Variants in PTPRN2 observed in about 807,000 individuals in gnomAD.
The protein encoded by PTPRN2 is receptor-type tyrosine-protein phosphatase N2.
In PTPRN2, 74 loss-of-function variants were observed where a neutral mutation model predicts 118.8. The observed-to-expected ratio is 0.62, with a 90% confidence interval of 0.52 to 0.76. PTPRN2 has a LOEUF of 0.76. Among genes scored for constraint, PTPRN2 ranks in the 30% least tolerant of loss-of-function variants. The pLI, the probability that PTPRN2 is intolerant of heterozygous loss-of-function variation, is 0.00. For missense variants in PTPRN2, 1,481 were observed against 1,394.4 expected (o/e 1.06, Z -0.99); for synonymous variants, 641 against 608.0 (o/e 1.05, Z -0.80).
chr7:158,181,891 T>G (rs1194442631), intron 5 of PTPRN2, among the ~76,000 whole-genome samples: 1 of 151,914 alleles, frequency 6.6e-6, no homozygotes, highest in Admixed American at 6.6e-5. Context: ...TCTTTTGTAT[T>G]TGTTTCTTTC....
At chr7:157,602,886 T>A (rs561048338) in intron 16 of PTPRN2, among the ~76,000 whole-genome samples, 12 of 152,346 alleles carry the variant, frequency 7.9e-5, no homozygotes, top group South Asian at 2.1e-4. Flanking sequence ...TGTGCCTCGA[T>A]CACCTGCCCC....
rs147940304 is a variant in PTPRN2, at chr7:157,786,818, T to G, written c.1789-103881A>C. ...AGCCTGCTGTGGTTTCATCATCAGG[T>G]GGGTGGCACATTCCAGCGGCTTTGG... On this transcript the variant is annotated intron_variant, in intron 12 of 22. Coordinates refer to ENST00000389418, the MANE Select transcript of PTPRN2 (RefSeq NM_002847.5). 5.9e-3 allele frequency among the ~76,000 whole-genome samples: 897 copies of G among 152,312 alleles called. 13 individuals are homozygous for G. The highest frequency in any genetic ancestry group is 0.02 in the African/African-American group (842 of 41,566).
chr7:158,252,845 C>T (rs1036410728), intron 3 of PTPRN2, among the ~76,000 whole-genome samples: 2 of 152,156 alleles, frequency 1.3e-5, no homozygotes, highest in East Asian at 1.9e-4. Flanking sequence ...CCCCCACCAC[C>T]CCCGATTGAT....
intron 3 of PTPRN2, among the ~76,000 whole-genome samples, chr7:158,216,154 C>A (rs1427379413): frequency 1.3e-5 from 2 of 151,908 alleles, no homozygotes; most frequent in Non-Finnish European, 2.9e-5. Context: ...AATTATGACA[C>A]CAGTAAACTT....
At chr7:158,138,023 C>A (rs1033224360) in intron 7 of PTPRN2, among the ~76,000 whole-genome samples, 1 of 152,228 alleles carries the variant, frequency 6.6e-6, no homozygotes, top group Admixed American at 6.5e-5. Context: ...TCCCATCACG[C>A]CTGTTTTCCT....
At position 157,610,296 on chromosome 7, in the gene PTPRN2, G is replaced by A. The variant is rs1210133263; in HGVS notation, c.2345-6221C>T. Among the ~76,000 whole-genome samples, 1 of 152,206 alleles carries A rather than the reference G, an allele frequency of 6.6e-6. No individual in the cohort carries two copies. Among genetic ancestry groups the A allele is most frequent in the East Asian group, 1.9e-4 (1 of 5,204 alleles). ...GGCAATGGGGTTCCTTCCACTCAGG[G>A]GTCTCAGGTGTTCTCTCGGGCTCTC... is the stretch of plus-strand genomic sequence containing the variant. On this transcript the variant is annotated intron_variant, in intron 15 of 22. Coordinates refer to ENST00000389418, the MANE Select transcript of PTPRN2 (RefSeq NM_002847.5). The surrounding 1 kb of genome is among the most constrained non-coding windows in gnomAD (Gnocchi z 5.1).
In PTPRN2 at chr7:157,799,826, C is replaced by T. The variant is rs550029399; in HGVS notation, c.1788+98847G>A. On this transcript the variant is annotated intron_variant, in intron 12 of 22. Coordinates refer to ENST00000389418, the MANE Select transcript of PTPRN2 (RefSeq NM_002847.5). ...CCCCGTCCCTCAGAGGCACCACAGC[C>T]GGCCCCCTCCATCCCTCAGAGGCAC... Among the ~76,000 whole-genome samples, 193 of 133,954 alleles carry T rather than the reference C, an allele frequency of 1.4e-3. 1 individual carries two copies. The highest frequency in any genetic ancestry group is 4.8e-3 in the African/African-American group (157 of 32,776). The allele number at this position is 133,954 out of a possible 152,430, so 87.9% of individuals were successfully genotyped here. A position where few individuals can be genotyped will look rare whatever the true frequency, so the allele number is the denominator to read the frequency against.
In PTPRN2 at chr7:158,568,379, G is replaced by A. The variant is rs140675045; in HGVS notation, c.112+19179C>T. Among the ~76,000 whole-genome samples, 1,455 of 151,992 alleles carry A rather than the reference G, an allele frequency of 9.6e-3. 16 individuals are homozygous for A. The highest frequency in any genetic ancestry group is 0.031 in the African/African-American group (1,295 of 41,450). ...CGCCCAAGCTCACACACAATATAGC[G>A]AAGCCAAACTTTTATATGTCACTCC... is the stretch of plus-strand genomic sequence containing the variant. On this transcript the variant is annotated intron_variant, in intron 1 of 22. Transcript: ENST00000389418.
At chr7:157,819,345 C>T (rs943862061) in intron 12 of PTPRN2, among the ~76,000 whole-genome samples, 9 of 152,310 alleles carry the variant, frequency 5.9e-5, no homozygotes, top group Non-Finnish European at 1.3e-4. Flanking sequence ...TAACAGGCTC[C>T]GCTCAGCTGG....
In PTPRN2 at chr7:158,587,714, G is replaced by C; in HGVS notation, c.-45C>G. 8.7e-7 allele frequency: 1 copy of C among 1,149,560 alleles called. No homozygotes were observed. Among genetic ancestry groups the C allele is most frequent in the Admixed American group, 4.8e-5 (1 of 20,810 alleles). The allele number at this position is 1,149,560 out of a possible 1,614,324, so 71.2% of individuals were successfully genotyped here. On this transcript the variant is annotated 5_prime_UTR_variant, in exon 1 of 23. Coordinates refer to ENST00000389418, the MANE Select transcript of PTPRN2 (RefSeq NM_002847.5). ...GCGCTCAGTCCATGGCCGCGCGGGA[G>C]GCGGCGGGAGGCGGCCGAGTCCGGG...
At chr7:157,793,889 C>G (rs1249444249) in intron 12 of PTPRN2, among the ~76,000 whole-genome samples, 1 of 152,162 alleles carries the variant, frequency 6.6e-6, no homozygotes, top group Non-Finnish European at 1.5e-5. Flanking sequence ...TGCAGGGACC[C>G]CAGGGCTGAC....
intron 2 of PTPRN2, among the ~76,000 whole-genome samples, chr7:158,338,610 C>A (rs1450398678): frequency 4.5e-5 from 4 of 88,404 alleles, no homozygotes; most frequent in South Asian, 4.5e-4. Flanking sequence ...CTGAGGCCCA[C>A]AGAGGACACT....
intron 1 of PTPRN2, chr7:158,539,522 G>C (rs1280580962): frequency 6.4e-6 from 1 of 155,310 alleles, no homozygotes; most frequent in Non-Finnish European, 1.4e-5. Context: ...AGCAAACCCA[G>C]GGAGCTCGAA....
chr7:158,202,349 A>T lies in PTPRN2; in HGVS notation c.380+2822T>A, dbSNP rs779648727. On this transcript the variant is annotated intron_variant, in intron 4 of 22. Coordinates refer to ENST00000389418, the MANE Select transcript of PTPRN2 (RefSeq NM_002847.5). ...GCAGGGCCTCATGGGAACCTCCCTC[A>T]GTAGGTGTCAGAGTCGGGCATGAGG... 1.2e-3 allele frequency among the ~76,000 whole-genome samples: 176 copies of T among 152,216 alleles called. 2 individuals carry two copies. Among genetic ancestry groups the T allele is most frequent in the Non-Finnish European group, 1.1e-3 (75 of 68,010 alleles).
chr7:158,121,699 A>G lies in PTPRN2; in HGVS notation c.1557-10784T>C, dbSNP rs1288290650. On this transcript the variant is annotated intron_variant, in intron 9 of 22. Coordinates refer to ENST00000389418, the MANE Select transcript of PTPRN2 (RefSeq NM_002847.5). ...AAGACTCCTACAACACCCTGAACAC[A>G]ACAAGGAAGTCCACAAGCCCAGAAT... Among the ~76,000 whole-genome samples, 6 of 152,316 alleles carry G rather than the reference A, an allele frequency of 3.9e-5. No individual in the cohort carries two copies. In the East Asian group the frequency reaches 1.2e-3, roughly 29 times the overall value.
chr7:158,272,488 G>A (rs984927933), intron 3 of PTPRN2, among the ~76,000 whole-genome samples: 2 of 151,948 alleles, frequency 1.3e-5, no homozygotes, highest in Non-Finnish European at 2.9e-5. Context: ...CAAAAACACT[G>A]AGCAGGTTTG....
chr7:157,612,444 A>T (rs777513221), intron 15 of PTPRN2, among the ~76,000 whole-genome samples: 1 of 152,334 alleles, frequency 6.6e-6, no homozygotes, highest in East Asian at 1.9e-4. Context: ...GGCGCCTCCA[A>T]GGAGCTGAAA....
At chr7:157,940,827 ACAG>A (rs1800035666) in intron 11 of PTPRN2, among the ~76,000 whole-genome samples, 1 of 49,878 alleles carries the variant, frequency 2.0e-5, no homozygotes. Flanking sequence ...TGCCCTCCCC[ACAG>A]TGACACTGCA....
At chr7:157,561,619 G>T (rs574323103) in intron 21 of PTPRN2, among the ~76,000 whole-genome samples, 1 of 152,358 alleles carries the variant, frequency 6.6e-6, no homozygotes, top group Non-Finnish European at 1.5e-5. Flanking sequence ...TCCCAGAACT[G>T]CTTCCTCAGC....
Sources: gnomAD v4.1 joint callset for allele counts (sites outside exome capture counted in the v4.1 genomes callset) on GRCh38, gnomAD v4.1.1 for gene constraint, Gnocchi (gnomAD v3.1) non-coding constraint, MANE v1.5 for transcripts, NCBI Gene and HGNC (gene_info 2026-07-23, HGNC 2026-07-21) for gene names.